The following CUX1 variants were observed in gnomAD, a reference collection of about 807,000 sequenced individuals.
CUX1 encodes cut like homeobox 1, also known as protein CASP.
Under a neutral mutation model 158.8 loss-of-function variants are expected in CUX1, and 31 were observed. That is an observed-to-expected ratio of 0.20 (90% CI 0.15 to 0.26). CUX1 has a LOEUF of 0.26. Among genes scored for constraint, CUX1 ranks in the 10% least tolerant of loss-of-function variants. The probability of loss-of-function intolerance (pLI) is 1.00; values close to 1 mark genes in which losing one functional copy is unlikely to be tolerated. For missense variants in CUX1, 1,589 were observed against 2,014.6 expected (o/e 0.79, Z 4.04); for synonymous variants, 879 against 862.1 (o/e 1.02, Z -0.34).
chr7:102,081,530 TCTC>T (rs1429581779), intron 4 of CUX1, among the ~76,000 whole-genome samples: 1 of 147,090 alleles, frequency 6.8e-6, no homozygotes, highest in African/African-American at 2.4e-5. Context: ...GGTGCTTGCT[TCTC>T]CTTCACCTTC....
chr7:102,257,563 C>A lies in CUX1; in HGVS notation c.*8521C>A, dbSNP rs1790030282. On this transcript the variant is annotated 3_prime_UTR_variant, in exon 24 of 24. Transcript: ENST00000292535. ...CATCCCTTTGCATTGAATAAGAGAC[C>A]TAGTTCTTTGCGTTTGTGCAATAAC... The A allele has an allele frequency of 1.0e-6, 1 of 985,246 alleles. No individual in the cohort carries two copies. The highest frequency in any genetic ancestry group is 1.2e-6 in the Non-Finnish European group (1 of 829,942). The allele number at this position is 985,246 out of a possible 1,614,324, so 61.0% of individuals were successfully genotyped here.
At chr7:101,876,095 C>T (rs1584848798) in intron 1 of CUX1, among the ~76,000 whole-genome samples, 1 of 152,256 alleles carries the variant, frequency 6.6e-6, no homozygotes, top group Admixed American at 6.5e-5. Context: ...CCTGTAATCC[C>T]AGCACTTTGG....
intron 1 of CUX1, among the ~76,000 whole-genome samples, chr7:101,895,458 G>T (rs1410492050): frequency 6.6e-6 from 1 of 152,120 alleles, no homozygotes; most frequent in Non-Finnish European, 1.5e-5. Context: ...GAAGGCTTTG[G>T]ATGGGCAGCT....
At chr7:102,220,985 C>T (rs1554526743) in intron 20 of CUX1, among the ~76,000 whole-genome samples, 1 of 152,124 alleles carries the variant, frequency 6.6e-6, no homozygotes, top group East Asian at 1.9e-4. Context: ...GTTGGGATTA[C>T]AGGCGTGAGC....
chr7:102,182,687 A>C (rs1419749200), intron 11 of CUX1, among the ~76,000 whole-genome samples: 1 of 152,172 alleles, frequency 6.6e-6, no homozygotes, highest in African/African-American at 2.4e-5. Context: ...TGTTTTTGCA[A>C]TTAATGAAAT....
intron 1 of CUX1, among the ~76,000 whole-genome samples, chr7:101,825,127 C>T (rs1247076276): frequency 1.3e-5 from 2 of 152,172 alleles, no homozygotes; most frequent in African/African-American, 4.8e-5. Flanking sequence ...AGAAAAAGGG[C>T]TGGAGTCCCC....
At chr7:101,958,061 C>T (rs1029328220) in intron 2 of CUX1, among the ~76,000 whole-genome samples, 3 of 152,114 alleles carry the variant, frequency 2.0e-5, no homozygotes, top group Non-Finnish European at 4.4e-5. Flanking sequence ...GTATGCGAGC[C>T]CTTTGCTGGA....
chr7:101,847,242 G>A (rs1210471309), intron 1 of CUX1, among the ~76,000 whole-genome samples: 1 of 152,160 alleles, frequency 6.6e-6, no homozygotes, highest in Non-Finnish European at 1.5e-5. Flanking sequence ...ACACTTGTTT[G>A]GAAAATTTAG....
chr7:101,960,067 T>G (rs1024579396), intron 2 of CUX1: 1 of 152,164 alleles, frequency 6.6e-6, no homozygotes, highest in African/African-American at 2.4e-5. Context: ...CCTGGTTGGT[T>G]GGGGCGGCCT....
intron 23 of CUX1, among the ~76,000 whole-genome samples, chr7:102,247,212 GAA>G (rs782608499): frequency 3.7e-5 from 5 of 133,772 alleles, no homozygotes; most frequent in Admixed American, 7.4e-5. Flanking sequence ...ATAAGGAAAG[GAA>G]AAAAAAAAAA....
intron 2 of CUX1, among the ~76,000 whole-genome samples, chr7:101,937,573 C>A (rs1472334992): frequency 6.6e-6 from 1 of 151,696 alleles, no homozygotes; most frequent in African/African-American, 2.4e-5. Flanking sequence ...TGCAGTAGCA[C>A]GATCTTGGCC....
chr7:102,192,509 C>T (rs1164253257), intron 12 of CUX1, among the ~76,000 whole-genome samples: 5 of 152,114 alleles, frequency 3.3e-5, no homozygotes, highest in Non-Finnish European at 5.9e-5. Context: ...AAATAGGAAA[C>T]GAAGGACAGG....
rs1378739473 is a variant in CUX1, at chr7:102,115,935, C to T, written c.674+662C>T. Among the ~76,000 whole-genome samples, 8 of 152,140 alleles carry T rather than the reference C, an allele frequency of 5.3e-5. No homozygotes were observed. In the East Asian group the frequency reaches 9.6e-4, roughly 18 times the overall value. ...GCCATTGCCTCCTCTACCAAACTCC[C>T]GGGGAGCAATGCCAGGCTAGAGTTT... On this transcript the variant is annotated intron_variant, in intron 8 of 23. Coordinates refer to ENST00000292535, the MANE Select transcript of CUX1 (RefSeq NM_181552.4).
Position 102,227,457 on chromosome 7 carries a change from T to C in CUX1, c.3221T>C (p.Val1074Ala), listed in dbSNP as rs782016604. The change falls in exon 21 of 24, where the codon GTC (valine) becomes GCC (alanine). Residue 1074 changes from valine to alanine, a missense_variant. Around this residue, in one of 8 missense-constraint regions of CUX1, gnomAD observed 259 missense variants for 373.8 expected, o/e 0.69. Transcript: ENST00000292535. ...TCGGTGAAGAGCCTGACCGAGCTGG[T>C]CCAGCAGCCCTGTCCCCCCATCGAG... Reference protein sequence around the residue: ...SESVKSLTELVQQPCPPIEAS... With the variant: ...SESVKSLTELAQQPCPPIEAS... 6.2e-7 allele frequency: 1 copy of C among 1,613,932 alleles called. No homozygotes were observed. Among genetic ancestry groups the C allele is most frequent in the Non-Finnish European group, 8.5e-7 (1 of 1,179,998 alleles).
At position 102,256,674 on chromosome 7, in the gene CUX1, C is replaced by A; in HGVS notation, c.*7632C>A. 1.0e-6 allele frequency: 1 copy of A among 985,390 alleles called. No homozygotes were observed. The highest frequency in any genetic ancestry group is 4.7e-5 in the South Asian group (1 of 21,278). The allele number at this position is 985,390 out of a possible 1,614,324, so 61.0% of individuals were successfully genotyped here. A position where few individuals can be genotyped will look rare whatever the true frequency, so the allele number is the denominator to read the frequency against. On this transcript the variant is annotated 3_prime_UTR_variant, in exon 24 of 24. Transcript: ENST00000292535. ...AGTTGAAGAATGCTCGCTTGAGGAGCTTCAGAGGAATCTTAGCAAAGCCAA... is the reference window on the plus strand; with the variant it reads ...AGTTGAAGAATGCTCGCTTGAGGAGATTCAGAGGAATCTTAGCAAAGCCAA...
In CUX1 at chr7:102,202,042, G is replaced by A. The variant is rs781846413; in HGVS notation, c.2745G>A (p.Pro915=). 50 of 1,613,926 alleles carry A rather than the reference G, an allele frequency of 3.1e-5. No homozygotes were observed. The highest frequency in any genetic ancestry group is 1.6e-4 in the Middle Eastern group (1 of 6,082). ...TPQNSPLPSS[P]IVPMSKPTKP... ...AGAACAGCCCCCTGCCATCCTCCCC[G>A]ATCGTGCCCATGTCCAAGCCCACCA... is the stretch of plus-strand genomic sequence containing the variant. Residue 915 remains proline (P), a synonymous_variant, in exon 18 of 24, where the codon CCG becomes CCA. Coordinates refer to ENST00000292535, the MANE Select transcript of CUX1 (RefSeq NM_181552.4).
At chr7:101,912,875 G>A (rs576655361) in intron 1 of CUX1, among the ~76,000 whole-genome samples, 1 of 152,242 alleles carries the variant, frequency 6.6e-6, no homozygotes, top group South Asian at 2.1e-4. Context: ...CCTTTCAGAT[G>A]TGACGACTCT....
intron 2 of CUX1, among the ~76,000 whole-genome samples, chr7:101,924,788 T>A (rs1275964417): frequency 6.6e-6 from 1 of 151,204 alleles, no homozygotes; most frequent in Non-Finnish European, 1.5e-5. Flanking sequence ...TTGCCCGGGC[T>A]GATCTCGAAC....
In CUX1 at chr7:102,249,394, G is replaced by C. The variant is rs1411753375; in HGVS notation, c.*352G>C. 2.1e-5 allele frequency: 21 copies of C among 991,170 alleles called. No individual in the cohort carries two copies. The highest frequency in any genetic ancestry group is 8.7e-5 in the African/African-American group (5 of 57,544). 61.4% of individuals were successfully genotyped at this position (991,170 alleles called of 1,614,324 possible). On this transcript the variant is annotated 3_prime_UTR_variant, in exon 24 of 24. Transcript: ENST00000292535. ...ATCGCCATAGGCCAAGGTGCATATA[G>C]AAAACAAAGGAGCATTAAGCCCAAT...
Sources: gnomAD v4.1 joint callset for allele counts (sites outside exome capture counted in the v4.1 genomes callset) on GRCh38, gnomAD v4.1.1 for gene constraint, gnomAD v4.1.1 regional missense constraint, MANE v1.5 for transcripts, NCBI Gene and HGNC (gene_info 2026-07-23, HGNC 2026-07-21) for gene names.